The following SMYD3 variants were observed in gnomAD, a reference collection of about 807,000 sequenced individuals.
The protein encoded by SMYD3 is SET and MYND domain containing 3.
Under a neutral mutation model 57.7 loss-of-function variants are expected in SMYD3, and 36 were observed. That is an observed-to-expected ratio of 0.62 (90% CI 0.48 to 0.82). The LOEUF (loss-of-function observed/expected upper bound fraction) is 0.82, where lower values mean the gene tolerates loss of function less well. SMYD3 is among the 40% of genes least tolerant of loss of function. SMYD3 has a pLI of 0.00. For synonymous variants in SMYD3, 211 were observed against 195.0 expected (o/e 1.08, Z -0.68); for missense variants, 515 against 538.8 (o/e 0.96, Z 0.44).
rs1278981845 is a variant in SMYD3 at position 245,813,038 on chromosome 1, G to A, written c.1076+45458C>T. 1.1e-4 allele frequency among the ~76,000 whole-genome samples: 14 copies of A among 125,632 alleles called. No homozygotes were observed. In the South Asian group the frequency reaches 1.1e-3, roughly 10 times the overall value. 82.4% of individuals were successfully genotyped at this position (125,632 alleles called of 152,430 possible). ...TTTTTTTTTTTTTTTTTTTTGAGAC[G>A]GAGTCTCGCTCTGTTGCCCAGGCTG... On this transcript the variant is annotated intron_variant, in intron 10 of 11. Coordinates refer to ENST00000490107, the MANE Select transcript of SMYD3 (RefSeq NM_001167740.2).
intron 8 of SMYD3, among the ~76,000 whole-genome samples, chr1:245,891,217 T>C (rs529220387): frequency 2.0e-5 from 3 of 152,268 alleles, no homozygotes; most frequent in Admixed American, 6.5e-5. Context: ...ACTGAAGAAA[T>C]ATAATTGGAA....
chr1:246,427,286 C>T (rs1009636529), intron 1 of SMYD3, among the ~76,000 whole-genome samples: 2 of 152,076 alleles, frequency 1.3e-5, no homozygotes, highest in Non-Finnish European at 2.9e-5. Flanking sequence ...TTTGGGAGGC[C>T]GAGGCGGGCG....
intron 5 of SMYD3, among the ~76,000 whole-genome samples, chr1:245,989,142 T>C (rs2058763783): frequency 1.3e-5 from 2 of 152,234 alleles, no homozygotes; most frequent in South Asian, 4.1e-4. Context: ...CTTTATCCAA[T>C]TAATACCTGT....
At chr1:245,904,570 C>G (rs2054424250) in intron 8 of SMYD3, among the ~76,000 whole-genome samples, 1 of 152,156 alleles carries the variant, frequency 6.6e-6, no homozygotes, top group Admixed American at 6.5e-5. Context: ...GGGGCAATCT[C>G]CAATCCCAGA....
At chr1:245,951,807 C>T (rs2057662796) in intron 5 of SMYD3, among the ~76,000 whole-genome samples, 1 of 151,938 alleles carries the variant, frequency 6.6e-6, no homozygotes, top group African/African-American at 2.4e-5. Flanking sequence ...TTCTCCTTTT[C>T]TTGAGTTATA....
intron 11 of SMYD3, among the ~76,000 whole-genome samples, chr1:245,763,410 G>A (rs1418448045): frequency 2.0e-5 from 3 of 152,196 alleles, no homozygotes; most frequent in Non-Finnish European, 4.4e-5. Context: ...GGACCACAAA[G>A]TAACACTGGA....
chr1:246,213,126 G>A (rs2063114182), intron 5 of SMYD3, among the ~76,000 whole-genome samples: 2 of 152,160 alleles, frequency 1.3e-5, no homozygotes, highest in Admixed American at 6.5e-5. Flanking sequence ...TCTGTCAAGG[G>A]AAATTAGTAT....
intron 10 of SMYD3, among the ~76,000 whole-genome samples, chr1:245,846,868 T>C (rs1287070445): frequency 1.3e-5 from 2 of 152,218 alleles, no homozygotes; most frequent in Non-Finnish European, 2.9e-5. Context: ...CTATTTCCAA[T>C]TACAGGTGAG....
chr1:245,939,350 G>A (rs1190100643), intron 5 of SMYD3, among the ~76,000 whole-genome samples: 5 of 152,106 alleles, frequency 3.3e-5, no homozygotes, highest in Admixed American at 6.5e-5. Context: ...GACAGGCCAG[G>A]CACCATGGTT....
rs537759899 is a variant in SMYD3 at position 246,082,978 on chromosome 1, C to T, written c.532-153041G>A. ...CAAGTACCCAGGGGCACAAACACTG[C>T]GGAAGGCTGCAGGGACCTCTGCCTA... On this transcript the variant is annotated intron_variant, in intron 5 of 11. Transcript: ENST00000490107. Among the ~76,000 whole-genome samples the T allele has an allele frequency of 1.5e-4, 22 of 145,800 alleles. No individual in the cohort carries two copies. The East Asian group carries it at 3.5e-3, about 23-fold the overall frequency.
intron 8 of SMYD3, among the ~76,000 whole-genome samples, chr1:245,911,469 T>C (rs1293629877): frequency 1.3e-5 from 2 of 150,834 alleles, no homozygotes; most frequent in African/African-American, 4.9e-5. Context: ...GACCTAAATG[T>C]CCATCAATAA....
At chr1:245,841,213 T>G (rs895813483) in intron 10 of SMYD3, among the ~76,000 whole-genome samples, 2 of 152,216 alleles carry the variant, frequency 1.3e-5, no homozygotes, top group African/African-American at 2.4e-5. Flanking sequence ...AAATAAAGAT[T>G]TAATACTCAC....
At chr1:246,218,316 G>C (rs1164028765) in intron 5 of SMYD3, among the ~76,000 whole-genome samples, 1 of 152,036 alleles carries the variant, frequency 6.6e-6, no homozygotes, top group Non-Finnish European at 1.5e-5. Flanking sequence ...AGAAGCAGTT[G>C]TGCAGCTTTA....
chr1:245,838,112 C>T (rs1421195167), intron 10 of SMYD3, among the ~76,000 whole-genome samples: 1 of 152,170 alleles, frequency 6.6e-6, no homozygotes, highest in Non-Finnish European at 1.5e-5. Context: ...CATCCAGAAA[C>T]AGAAGTGGAA....
At chr1:245,919,912 G>A (rs1438935229) in intron 7 of SMYD3, among the ~76,000 whole-genome samples, 1 of 152,162 alleles carries the variant, frequency 6.6e-6, no homozygotes, top group East Asian at 1.9e-4. Context: ...ATATAATGAA[G>A]GAGATTTTCT....
intron 5 of SMYD3, among the ~76,000 whole-genome samples, chr1:246,254,586 G>A (rs1006194939): frequency 6.6e-6 from 1 of 152,008 alleles, no homozygotes; most frequent in Non-Finnish European, 1.5e-5. Context: ...TCTGGCTTTG[G>A]GCTTTTTGCT....
intron 5 of SMYD3, among the ~76,000 whole-genome samples, chr1:246,063,551 TCCTTC>T (rs1389973823): frequency 6.7e-6 from 1 of 148,728 alleles, no homozygotes; most frequent in African/African-American, 2.5e-5. Flanking sequence ...TTCCTTCCCT[TCCTTC>T]CCTTCCTTCC....
intron 5 of SMYD3, among the ~76,000 whole-genome samples, chr1:246,129,309 T>C (rs1024384198): frequency 2.6e-5 from 4 of 152,190 alleles, no homozygotes; most frequent in Admixed American, 1.3e-4. Flanking sequence ...ATGAAAGCTT[T>C]AATAGGTAAT....
At chr1:246,501,003 T>C (rs1161351189) in intron 1 of SMYD3, among the ~76,000 whole-genome samples, 1 of 152,236 alleles carries the variant, frequency 6.6e-6, no homozygotes, top group African/African-American at 2.4e-5. Flanking sequence ...TTCCACCTTA[T>C]TTCAAATCCT....
Sources: allele counts gnomAD v4.1 joint callset (sites outside exome capture counted in the v4.1 genomes callset), GRCh38; gene constraint gnomAD v4.1.1; transcripts MANE v1.5; gene names NCBI Gene and HGNC (gene_info 2026-07-23, HGNC 2026-07-21).